The following TMED10 variants were observed in gnomAD, a reference collection of about 807,000 sequenced individuals.
TMED10 encodes transmembrane p24 trafficking protein 10.
TMED10 carries 7 observed loss-of-function variants against 23.1 expected under a neutral mutation model. The observed-to-expected ratio is 0.30, with a 90% CI of 0.17 to 0.57. TMED10 has a LOEUF of 0.57. TMED10 is among the 20% of genes least tolerant of loss of function. The probability of loss-of-function intolerance (pLI) is 0.91; values close to 1 mark genes in which losing one functional copy is unlikely to be tolerated. For missense variants in TMED10, 162 were observed against 274.8 expected, an observed-to-expected ratio of 0.59 and a Z score of 2.90; for synonymous variants, 113 against 106.9, an observed-to-expected ratio of 1.06 and a Z score of -0.35.
At chr14:75,176,209 G>A (rs1896303457) in intron 1 of TMED10, 146 bp downstream of exon 1, 1 of 968,044 alleles carries the variant, frequency 1.0e-6, no homozygotes, top group Non-Finnish European at 1.5e-6. Context: ...CGGGGTGAGG[G>A]GGCGGGCTCC....
chr14:75,145,966 A>C (rs577459663), intron 3 of TMED10, among the ~76,000 whole-genome samples: 1 of 152,276 alleles, frequency 6.6e-6, no homozygotes, highest in African/African-American at 2.4e-5. Flanking sequence ...TAATGAGAAC[A>C]TTCTCCCTAG....
At chr14:75,168,950 T>C (rs377142547) in intron 1 of TMED10, among the ~76,000 whole-genome samples, 54 of 152,178 alleles carry the variant, frequency 3.5e-4, no homozygotes, top group East Asian at 1.2e-3. Flanking sequence ...ATGGGACACA[T>C]AGGGGACACA....
intron 1 of TMED10, among the ~76,000 whole-genome samples, chr14:75,164,563 ATATATATATATATATTT>A (rs1161125563): frequency 0.16 from 654 of 3,978 alleles, 3 homozygotes; most frequent in Non-Finnish European, 0.23. Flanking sequence ...ATATATATAT[ATATATATATATATATTT>A]TTTTTTTTTT....
intron 1 of TMED10, among the ~76,000 whole-genome samples, chr14:75,165,009 A>C (rs1287787045): frequency 3.3e-5 from 5 of 152,128 alleles, no homozygotes. Context: ...TTTTAACTTA[A>C]TAAGGAATAA....
chr14:75,155,159 A>C (rs1358754797), intron 1 of TMED10, among the ~76,000 whole-genome samples: 2 of 151,770 alleles, frequency 1.3e-5, no homozygotes, highest in Non-Finnish European at 2.9e-5. Context: ...GGGTTTCACC[A>C]TGTTGGCCAG....
intron 3 of TMED10, among the ~76,000 whole-genome samples, chr14:75,138,065 A>G (rs999937920): frequency 1.4e-4 from 21 of 151,982 alleles, no homozygotes; most frequent in Non-Finnish European, 7.4e-5. Flanking sequence ...TACATTCCCT[A>G]TGGCCCACTT....
intron 4 of TMED10, among the ~76,000 whole-genome samples, chr14:75,135,378 T>G (rs192548422): frequency 2.0e-5 from 3 of 152,080 alleles, no homozygotes; most frequent in African/African-American, 7.2e-5. Context: ...AGGCGGAGGT[T>G]GCAGTGAGCC....
intron 1 of TMED10, among the ~76,000 whole-genome samples, chr14:75,173,167 CTTGAGCCCAGGAG>C (rs1371726881): frequency 6.6e-6 from 1 of 152,232 alleles, no homozygotes; most frequent in African/African-American, 2.4e-5. Flanking sequence ...GGGCGGATCA[CTTGAGCCCAGGAG>C]TTCGAGACCA....
intron 4 of TMED10, 77 bp from the exon 5 acceptor site, chr14:75,135,083 GT>G: frequency 2.6e-6 from 4 of 1,559,172 alleles, no homozygotes; most frequent in Non-Finnish European, 3.5e-6. Flanking sequence ...GGGGAGGTGG[GT>G]AAAGGCAATT....
At chr14:75,159,939 C>T (rs1896066860) in intron 1 of TMED10, among the ~76,000 whole-genome samples, 1 of 152,200 alleles carries the variant, frequency 6.6e-6, no homozygotes, top group Admixed American at 6.5e-5. Context: ...AAAGGGCCCG[C>T]CACTGCAGCC....
intron 1 of TMED10, among the ~76,000 whole-genome samples, chr14:75,158,723 G>A (rs1022823386): frequency 2.0e-5 from 3 of 151,890 alleles, no homozygotes; most frequent in African/African-American, 7.2e-5. Context: ...TCGGGAGTTC[G>A]AGACCAGCCT....
chr14:75,152,187 AG>A (rs771716323), intron 1 of TMED10, 44 bp from the exon 2 acceptor site: 9 of 1,496,858 alleles, frequency 6.0e-6, no homozygotes, highest in Non-Finnish European at 7.4e-6. Context: ...AATAACACTC[AG>A]GAAGAGAACT....
At chr14:75,163,501 C>T (rs185170683) in intron 1 of TMED10, among the ~76,000 whole-genome samples, 41 of 142,312 alleles carry the variant, frequency 2.9e-4, no homozygotes, top group African/African-American at 9.0e-4. Context: ...TGCAGTGAGC[C>T]GAGATCTCGC....
At chr14:75,175,039 CAAAAAAAAAAA>C (rs57423430) in intron 1 of TMED10, among the ~76,000 whole-genome samples, 1 of 87,080 alleles carries the variant, frequency 1.1e-5, no homozygotes, top group Non-Finnish European at 2.3e-5. Context: ...GACTCCGTCT[CAAAAAAAAAAA>C]AAAAAAAAAA....
At chr14:75,169,513 C>T (rs542940754) in intron 1 of TMED10, among the ~76,000 whole-genome samples, 1 of 152,234 alleles carries the variant, frequency 6.6e-6, no homozygotes, top group African/African-American at 2.4e-5. Context: ...CAAAAATTAG[C>T]CGGGAGTAGT....
At chr14:75,156,272 T>A (rs1009187604) in intron 1 of TMED10, among the ~76,000 whole-genome samples, 3 of 152,096 alleles carry the variant, frequency 2.0e-5, no homozygotes, top group African/African-American at 7.2e-5. Context: ...TTTTATTTAA[T>A]TAAAATAATT....
intron 4 of TMED10, 48 bp from the exon 5 acceptor site, chr14:75,135,054 A>C (rs1895731595): frequency 6.2e-7 from 1 of 1,607,736 alleles, no homozygotes; most frequent in Admixed American, 1.7e-5. Context: ...GAGCCTCCTC[A>C]GCTGGCTAAA....
chr14:75,150,893 C>A (rs1277285332), intron 2 of TMED10, among the ~76,000 whole-genome samples: 1 of 152,142 alleles, frequency 6.6e-6, no homozygotes, highest in Admixed American at 6.5e-5. Flanking sequence ...ATTTGCCTGG[C>A]AAACAGACAA....
intron 1 of TMED10, among the ~76,000 whole-genome samples, chr14:75,171,394 C>T (rs1164649910): frequency 3.3e-5 from 5 of 152,100 alleles, no homozygotes; most frequent in African/African-American, 9.7e-5. Flanking sequence ...ATTCCCCTGC[C>T]TCAGTCTCCT....
Sources: gnomAD v4.1 joint callset for allele counts (sites outside exome capture counted in the v4.1 genomes callset) on GRCh38, gnomAD v4.1.1 for gene constraint, MANE v1.5 for transcripts, NCBI Gene and HGNC (gene_info 2026-07-23, HGNC 2026-07-21) for gene names.